Variants in SNTG1 observed in about 807,000 individuals in gnomAD.
SNTG1 encodes syntrophin gamma 1.
A neutral mutation model predicts 74.7 loss-of-function variants in SNTG1; 39 were observed. That is an observed-to-expected ratio of 0.52 (90% CI 0.40 to 0.68). SNTG1 has a LOEUF of 0.68. Among genes scored for constraint, SNTG1 ranks in the 30% least tolerant of loss-of-function variants. The pLI, the probability that SNTG1 is intolerant of heterozygous loss-of-function variation, is 0.00. For synonymous variants in SNTG1, 254 were observed against 217.1 expected (o/e 1.17, Z -1.49); for missense variants, 685 against 609.5 (o/e 1.12, Z -1.30).
At chr8:50,287,872 C>T (rs2088872554) in intron 2 of SNTG1, among the ~76,000 whole-genome samples, 1 of 151,438 alleles carries the variant, frequency 6.6e-6, no homozygotes, top group South Asian at 2.1e-4. Flanking sequence ...CACGGCATTC[C>T]CAGTATTTAC....
At chr8:50,712,283 T>C (rs2095463779) in intron 17 of SNTG1, among the ~76,000 whole-genome samples, 1 of 152,124 alleles carries the variant, frequency 6.6e-6, no homozygotes, top group Admixed American at 6.5e-5. Context: ...TGTGGGTATC[T>C]AAGAGCCAGA....
intron 1 of SNTG1, among the ~76,000 whole-genome samples, chr8:49,970,987 G>A (rs890634215): frequency 1.3e-5 from 2 of 152,040 alleles, no homozygotes; most frequent in African/African-American, 4.8e-5. Context: ...CCAATCAATA[G>A]AAAAAGAGGG....
At chr8:50,351,465 A>T (rs373635839) in intron 2 of SNTG1, among the ~76,000 whole-genome samples, 1 of 152,158 alleles carries the variant, frequency 6.6e-6, no homozygotes, top group South Asian at 2.1e-4. Flanking sequence ...TGTTTATCTC[A>T]TTTGATTAAT....
intron 11 of SNTG1, among the ~76,000 whole-genome samples, chr8:50,550,686 T>C (rs1258561970): frequency 6.7e-6 from 1 of 148,642 alleles, no homozygotes; most frequent in Non-Finnish European, 1.5e-5. Context: ...TTTTTTTTAG[T>C]GTGTGTGTAT....
At chr8:49,965,242 A>G (rs907919964) in intron 1 of SNTG1, among the ~76,000 whole-genome samples, 3 of 152,182 alleles carry the variant, frequency 2.0e-5, no homozygotes, top group Non-Finnish European at 4.4e-5. Context: ...GTAAGGATAC[A>G]GTTCTCCTGT....
chr8:50,617,848 C>T (rs1189768673), intron 13 of SNTG1, among the ~76,000 whole-genome samples: 2 of 152,196 alleles, frequency 1.3e-5, no homozygotes, highest in Non-Finnish European at 2.9e-5. Flanking sequence ...CCGATTAGGT[C>T]AGGGGTTGAT....
At chr8:50,469,942 C>T (rs1322763189) in intron 8 of SNTG1, among the ~76,000 whole-genome samples, 1 of 152,190 alleles carries the variant, frequency 6.6e-6, no homozygotes, top group African/African-American at 2.4e-5. Flanking sequence ...GGTGCCACTG[C>T]ACTCCAGCCT....
At chr8:50,649,444 A>G (rs755197625) in intron 13 of SNTG1, among the ~76,000 whole-genome samples, 9 of 152,152 alleles carry the variant, frequency 5.9e-5, no homozygotes, top group Non-Finnish European at 8.8e-5. Flanking sequence ...GGTTGCAGTG[A>G]GCTGAGATTG....
At chr8:50,308,976 C>A (rs1357511423) in intron 2 of SNTG1, among the ~76,000 whole-genome samples, 1 of 152,044 alleles carries the variant, frequency 6.6e-6, no homozygotes, top group East Asian at 1.9e-4. Flanking sequence ...TTGATCTACA[C>A]ATCAAAGATG....
At chr8:50,081,302 T>C (rs1360750414) in intron 1 of SNTG1, among the ~76,000 whole-genome samples, 2 of 152,198 alleles carry the variant, frequency 1.3e-5, no homozygotes, top group Admixed American at 1.3e-4. Flanking sequence ...GCAATAATCA[T>C]GTTGTATATG....
chr8:50,331,340 A>T (rs2090959646), intron 2 of SNTG1, among the ~76,000 whole-genome samples: 1 of 152,212 alleles, frequency 6.6e-6, no homozygotes, highest in African/African-American at 2.4e-5. Context: ...GGGAATCAGA[A>T]GAAAAATCTC....
At chr8:49,967,242 G>A (rs1009587122) in intron 1 of SNTG1, among the ~76,000 whole-genome samples, 1 of 152,196 alleles carries the variant, frequency 6.6e-6, no homozygotes, top group African/African-American at 2.4e-5. Flanking sequence ...AGAAAAAGGG[G>A]CTTGAAGAAT....
At chr8:49,978,289 AAGAGG>A (rs1313864111) in intron 1 of SNTG1, among the ~76,000 whole-genome samples, 1 of 151,622 alleles carries the variant, frequency 6.6e-6, no homozygotes, top group East Asian at 1.9e-4. Flanking sequence ...AGAAAGGGGG[AAGAGG>A]AGAGGAGAGG....
chr8:50,710,360 C>A (rs2095458168), intron 17 of SNTG1, among the ~76,000 whole-genome samples: 1 of 151,806 alleles, frequency 6.6e-6, no homozygotes, highest in Non-Finnish European at 1.5e-5. Context: ...TTCATCAAAT[C>A]AAGATAGGCT....
Position 50,148,745 on chromosome 8 carries a change from A to C in SNTG1, c.-102-23816A>C, listed in dbSNP as rs1042033400. On this transcript the variant is annotated intron_variant, in intron 1 of 18. Transcript: ENST00000642720. The stretch of plus-strand genomic sequence containing the variant: ...GGACATGAACTCATCATTTTTATGG[A>C]TGCATAGTATTCCATGGTCTATATG... Among the ~76,000 whole-genome samples the C allele has an allele frequency of 8.5e-5, 13 of 152,192 alleles. 1 individual carries two copies. The highest frequency in any genetic ancestry group is 2.9e-4 in the African/African-American group (12 of 41,528).
intron 1 of SNTG1, among the ~76,000 whole-genome samples, chr8:50,169,667 T>G (rs879620375): frequency 6.6e-6 from 1 of 152,224 alleles, no homozygotes; most frequent in Non-Finnish European, 1.5e-5. Context: ...TTTTAGATTT[T>G]TATTTACTTC....
At chr8:50,517,055 G>C (rs1342200281) in intron 9 of SNTG1, among the ~76,000 whole-genome samples, 1 of 152,096 alleles carries the variant, frequency 6.6e-6, no homozygotes, top group Non-Finnish European at 1.5e-5. Context: ...GAAAGGTCGT[G>C]TTACCAACAA....
chr8:50,360,220 T>C lies in SNTG1; in HGVS notation c.-27-33992T>C, dbSNP rs561051680. Among the ~76,000 whole-genome samples the C allele has an allele frequency of 1.2e-4, 18 of 152,084 alleles. No homozygotes were observed. The South Asian group carries it at 3.7e-3, about 32-fold the overall frequency. ...ATCAAACTAAATTAGGCAACAAACTTCGCAGTGAATTACATGTACAAATGG... is the reference window on the plus strand; with the variant it reads ...ATCAAACTAAATTAGGCAACAAACTCCGCAGTGAATTACATGTACAAATGG... On this transcript the variant is annotated intron_variant, in intron 2 of 18. Coordinates refer to ENST00000642720, the MANE Select transcript of SNTG1 (RefSeq NM_018967.5).
chr8:50,641,807 T>C (rs995904947), intron 13 of SNTG1, among the ~76,000 whole-genome samples: 7 of 152,176 alleles, frequency 4.6e-5, no homozygotes, highest in African/African-American at 1.7e-4. Flanking sequence ...ACCTTTGTGG[T>C]TCTCTCCTCT....
Sources: allele counts gnomAD v4.1 joint callset (sites outside exome capture counted in the v4.1 genomes callset), GRCh38; gene constraint gnomAD v4.1.1; transcripts MANE v1.5; gene names NCBI Gene and HGNC (gene_info 2026-07-23, HGNC 2026-07-21).